Variants in RAPGEF5 observed in about 807,000 individuals in gnomAD.
The protein encoded by RAPGEF5 is Rap guanine nucleotide exchange factor 5, also known as M-Ras-regulated GEF.
In RAPGEF5, 65 loss-of-function variants were observed where a neutral mutation model predicts 125.2. That is an observed-to-expected ratio of 0.52 (90% confidence interval 0.43 to 0.64). The LOEUF is 0.64. RAPGEF5 is among the 30% of genes least tolerant of loss of function. The pLI is 0.00. For synonymous variants in RAPGEF5, 391 were observed against 385.9 expected (o/e 1.01, Z -0.16); for missense variants, 958 against 1,048.1 (o/e 0.91, Z 1.19).
intron 17 of RAPGEF5, 80 bp downstream of exon 17, chr7:22,154,375 T>G: frequency 4.6e-6 from 7 of 1,509,640 alleles, no homozygotes; most frequent in Non-Finnish European, 6.3e-6. Context: ...AGCTGCACTT[T>G]TACTCTACAA....
chr7:22,129,635 T>G lies in RAPGEF5; in HGVS notation c.2481+1402A>C, dbSNP rs79051987. On this transcript the variant is annotated intron_variant, in intron 24 of 25. Coordinates refer to ENST00000665637, the MANE Select transcript of RAPGEF5 (RefSeq NM_012294.5). ...AAAACACGTACAAAAAAATAACACT[T>G]TATCCATTTCTGGCTCTGTTGGTTT... 7.9e-3 allele frequency among the ~76,000 whole-genome samples: 1,199 copies of G among 152,294 alleles called. 10 individuals carry two copies. Among genetic ancestry groups the G allele is most frequent in the African/African-American group, 0.027 (1,113 of 41,558 alleles).
At chr7:22,269,914 T>C (rs534182245) in intron 6 of RAPGEF5, among the ~76,000 whole-genome samples, 1 of 152,132 alleles carries the variant, frequency 6.6e-6, no homozygotes, top group African/African-American at 2.4e-5. Context: ...GTCAGATTGG[T>C]GGGAAAAACT....
In RAPGEF5 at chr7:22,357,048, C is replaced by T; in HGVS notation, c.13G>A (p.Val5Met). The T allele has an allele frequency of 9.6e-7, 1 of 1,037,670 alleles. No individual in the cohort carries two copies. The highest frequency in any genetic ancestry group is 1.2e-6 in the Non-Finnish European group (1 of 865,370). 64.3% of individuals were successfully genotyped at this position (1,037,670 alleles called of 1,614,324 possible). Residue 5 changes from valine (V) to methionine (M), a missense_variant, in exon 1 of 26, where the codon GTG becomes ATG. Transcript: ENST00000665637. ...GGCGGCTGCATCTTGACGGAGCCCA[C>T]GGCCATCCTCATGCCCTGACGGCGC... MRMA[V>M]GSVKMQPPCE...
intron 11 of RAPGEF5, among the ~76,000 whole-genome samples, chr7:22,185,485 G>A (rs1784798474): frequency 6.6e-6 from 1 of 152,152 alleles, no homozygotes; most frequent in African/African-American, 2.4e-5. Context: ...GCCTTCCAAT[G>A]CTTCAATTAT....
At chr7:22,302,565 A>C (rs1163471839) in intron 5 of RAPGEF5, among the ~76,000 whole-genome samples, 4 of 151,972 alleles carry the variant, frequency 2.6e-5, no homozygotes, top group Non-Finnish European at 2.9e-5. Context: ...AAAAATGCCT[A>C]CTCTGACAGG....
At chr7:22,286,130 C>T (rs569807458) in intron 6 of RAPGEF5, among the ~76,000 whole-genome samples, 2 of 152,292 alleles carry the variant, frequency 1.3e-5, no homozygotes, top group South Asian at 2.1e-4. Flanking sequence ...ATGGATAACG[C>T]GTCTGACTAC....
chr7:22,154,494 C>G lies in RAPGEF5; in HGVS notation c.1747G>C (p.Glu583Gln), dbSNP rs1783735668. The G allele has an allele frequency of 1.9e-6, 3 of 1,613,740 alleles. No homozygotes were observed. Among genetic ancestry groups the G allele is most frequent in the Admixed American group, 3.3e-5 (2 of 59,946 alleles). Residue 583 changes from glutamate (E) to glutamine (Q), a missense_variant, in exon 17 of 26, where the codon GAA (glutamate) becomes CAA (glutamine). Physicochemically the swap from Glu to Gln is conservative, Grantham distance 29 (BLOSUM62 2). Coordinates refer to ENST00000665637, the MANE Select transcript of RAPGEF5 (RefSeq NM_012294.5). ...ATGGCCACCAGAGCCAGATCCTCTT[C>G]TGCATACTGGATCTTTTCTGCCACG... ...KVVAEKIQYA[E>Q]EDLALVAITF... is the part of the protein sequence containing the mutation.
intron 7 of RAPGEF5, among the ~76,000 whole-genome samples, chr7:22,246,388 C>G (rs1786477652): frequency 6.6e-6 from 1 of 152,078 alleles, no homozygotes; most frequent in South Asian, 2.1e-4. Context: ...ACACAAAGAC[C>G]AATGGAACAG....
intron 9 of RAPGEF5, among the ~76,000 whole-genome samples, chr7:22,201,128 G>A (rs1785267682): frequency 6.6e-6 from 1 of 152,188 alleles, no homozygotes; most frequent in African/African-American, 2.4e-5. Flanking sequence ...GTAAGGGGAG[G>A]TAAAAAGTAA....
chr7:22,194,692 C>A, intron 9 of RAPGEF5: 1 of 985,320 alleles, frequency 1.0e-6, no homozygotes, highest in Non-Finnish European at 1.2e-6. Context: ...GGCTGAAATT[C>A]GGATGCCATG....
intron 7 of RAPGEF5, among the ~76,000 whole-genome samples, chr7:22,240,145 G>A (rs1459234690): frequency 1.3e-5 from 2 of 150,206 alleles, no homozygotes; most frequent in African/African-American, 4.9e-5. Context: ...GGGAAGCAGA[G>A]GTTGCAGTGA....
chr7:22,140,599 T>A (rs1253233409), intron 20 of RAPGEF5, among the ~76,000 whole-genome samples: 3 of 152,178 alleles, frequency 2.0e-5, no homozygotes, highest in African/African-American at 7.2e-5. Context: ...GCTACTATAA[T>A]ATGTATATAT....
intron 3 of RAPGEF5, among the ~76,000 whole-genome samples, chr7:22,311,791 T>G (rs185982018): frequency 3.9e-4 from 59 of 152,330 alleles, no homozygotes; most frequent in African/African-American, 1.4e-3. Context: ...AGACTTAACT[T>G]CTAATTCTAT....
At chr7:22,297,434 A>C (rs1466590579) in intron 5 of RAPGEF5, among the ~76,000 whole-genome samples, 1 of 152,228 alleles carries the variant, frequency 6.6e-6, no homozygotes, top group Non-Finnish European at 1.5e-5. Context: ...AGCAAGGAAA[A>C]AGAGGTAAGA....
At chr7:22,194,133 G>A in intron 9 of RAPGEF5, 100 bp from the exon 10 acceptor site, 1 of 1,040,920 alleles carries the variant, frequency 9.6e-7, no homozygotes, top group Non-Finnish European at 1.4e-6. Context: ...ATTTTCTAGA[G>A]TTGCTTTACA....
chr7:22,168,716 T>C (rs1326285337), intron 11 of RAPGEF5, among the ~76,000 whole-genome samples: 2 of 152,246 alleles, frequency 1.3e-5, no homozygotes, highest in Non-Finnish European at 2.9e-5. Flanking sequence ...GGATGACATC[T>C]ACAGTTCTAT....
intron 1 of RAPGEF5, among the ~76,000 whole-genome samples, chr7:22,349,422 CAAAAAAAAAAA>C (rs34428356): frequency 4.0e-5 from 3 of 74,988 alleles, no homozygotes; most frequent in Admixed American, 1.5e-4. Flanking sequence ...AGACTCCATC[CAAAAAAAAAAA>C]AAAAAAAAAG....
At chr7:22,177,373 A>C (rs1784541043) in intron 11 of RAPGEF5, among the ~76,000 whole-genome samples, 1 of 152,190 alleles carries the variant, frequency 6.6e-6, no homozygotes, top group Non-Finnish European at 1.5e-5. Flanking sequence ...AGGATGCTGA[A>C]GTTCCTTTAT....
At chr7:22,309,435 C>A (rs575585697) in intron 4 of RAPGEF5, among the ~76,000 whole-genome samples, 1 of 152,306 alleles carries the variant, frequency 6.6e-6, no homozygotes, top group South Asian at 2.1e-4. Flanking sequence ...GGTTTCTAAT[C>A]CTTCAGTTCT....
Sources: gnomAD v4.1 joint callset for allele counts (sites outside exome capture counted in the v4.1 genomes callset) on GRCh38, gnomAD v4.1.1 for gene constraint, MANE v1.5 for transcripts, NCBI Gene and HGNC (gene_info 2026-07-23, HGNC 2026-07-21) for gene names.